The following KALRN variants were observed in gnomAD, a reference collection of about 807,000 sequenced individuals.
The protein encoded by KALRN is kalirin RhoGEF kinase, also known as kalirin.
A neutral mutation model predicts 353.7 loss-of-function variants in KALRN; 70 were observed. That is an observed-to-expected ratio of 0.20 (90% CI 0.16 to 0.24). The LOEUF (loss-of-function observed/expected upper bound fraction) is 0.24, where lower values mean the gene tolerates loss of function less well. KALRN is among the 10% of genes least tolerant of loss of function. The pLI is 1.00. For missense variants in KALRN, 2,791 were observed against 3,756.7 expected (o/e 0.74, Z 6.72); for synonymous variants, 1,391 against 1,434.8 (o/e 0.97, Z 0.69).
chr3:124,089,709 C>T (rs1193246340), intron 1 of KALRN, among the ~76,000 whole-genome samples: 2 of 151,388 alleles, frequency 1.3e-5, no homozygotes, highest in African/African-American at 2.4e-5. Context: ...ACCAGGTGTT[C>T]ATGCTGAGTA....
At chr3:124,246,172 T>C (rs2081098437) in intron 3 of KALRN, among the ~76,000 whole-genome samples, 1 of 152,280 alleles carries the variant, frequency 6.6e-6, no homozygotes, top group African/African-American at 2.4e-5. Context: ...TGTTTTCCAA[T>C]GAGATTTCCT....
At chr3:124,493,395 G>A (rs754378627) in intron 32 of KALRN, among the ~76,000 whole-genome samples, 9 of 152,088 alleles carry the variant, frequency 5.9e-5, no homozygotes, top group Admixed American at 6.6e-5. Context: ...GATAAGCAAC[G>A]TCATTGGGCA....
intron 10 of KALRN, among the ~76,000 whole-genome samples, chr3:124,352,659 C>A (rs2082949733): frequency 6.6e-6 from 1 of 151,108 alleles, no homozygotes; most frequent in African/African-American, 2.4e-5. Flanking sequence ...TCTATCCAAC[C>A]CTTGTGGTTT....
chr3:124,142,376 C>T (rs1578536028), intron 1 of KALRN, among the ~76,000 whole-genome samples: 1 of 152,172 alleles, frequency 6.6e-6, no homozygotes, highest in Non-Finnish European at 1.5e-5. Flanking sequence ...TGTCTCTATC[C>T]CCACAGCATC....
chr3:124,697,507 G>A, intron 54 of KALRN, 86 bp from the exon 55 acceptor site: 1 of 1,350,346 alleles, frequency 7.4e-7, no homozygotes, highest in Non-Finnish European at 9.9e-7. Flanking sequence ...CATCGGTTAG[G>A]TAATGTTTCC....
At chr3:124,670,432 G>A (rs146434825) in intron 47 of KALRN, among the ~76,000 whole-genome samples, 1 of 152,294 alleles carries the variant, frequency 6.6e-6, no homozygotes, top group Non-Finnish European at 1.5e-5. Context: ...GCAGTGCTCT[G>A]GTGGGCCTGT....
intron 34 of KALRN, among the ~76,000 whole-genome samples, chr3:124,604,154 TA>T (rs796118557): frequency 0.059 from 4,920 of 83,138 alleles, 262 homozygotes; most frequent in African/African-American, 0.17. Context: ...TTTTTTTTTT[TA>T]AATTTATTAT....
intron 23 of KALRN, among the ~76,000 whole-genome samples, 189 bp from the exon 24 acceptor site, chr3:124,461,701 T>C (rs2059880433): frequency 6.6e-6 from 1 of 151,938 alleles, no homozygotes; most frequent in African/African-American, 2.4e-5. Flanking sequence ...GGTCAGGAAA[T>C]ATCACAAGTA....
At chr3:124,298,028 C>T (rs2076981257) in intron 5 of KALRN, among the ~76,000 whole-genome samples, 1 of 152,238 alleles carries the variant, frequency 6.6e-6, no homozygotes, top group South Asian at 2.1e-4. Flanking sequence ...ATATCTGAGA[C>T]AATCCCATTG....
At chr3:124,620,124 G>A (rs908311824) in intron 34 of KALRN, among the ~76,000 whole-genome samples, 1 of 152,068 alleles carries the variant, frequency 6.6e-6, no homozygotes, top group South Asian at 2.1e-4. Context: ...TTTTGAGACA[G>A]AGGTCTCACT....
At chr3:124,153,219 A>G (rs1000430635) in intron 1 of KALRN, among the ~76,000 whole-genome samples, 1 of 144,504 alleles carries the variant, frequency 6.9e-6, no homozygotes, top group African/African-American at 2.6e-5. Flanking sequence ...TGCACCCATT[A>G]ACTCATCATT....
chr3:124,056,067 G>A (rs2041510906), intron 1 of KALRN, among the ~76,000 whole-genome samples: 1 of 152,232 alleles, frequency 6.6e-6, no homozygotes, highest in South Asian at 2.1e-4. Flanking sequence ...TGCAGATTAA[G>A]AACAAAGGAG....
At chr3:124,355,120 T>C (rs1158253757) in intron 10 of KALRN, among the ~76,000 whole-genome samples, 1 of 152,234 alleles carries the variant, frequency 6.6e-6, no homozygotes, top group Non-Finnish European at 1.5e-5. Flanking sequence ...CAAAGGGTTC[T>C]ATGTGGTAGA....
chr3:124,529,533 T>A (rs534383851), intron 33 of KALRN, among the ~76,000 whole-genome samples: 2 of 152,192 alleles, frequency 1.3e-5, no homozygotes, highest in South Asian at 4.1e-4. Flanking sequence ...TAGCAAATTA[T>A]AGCGTTGGAG....
rs1334297228 is a variant in KALRN, at chr3:124,268,752, G to T, written c.466G>T (p.Val156Leu). The T allele has an allele frequency of 6.8e-6, 11 of 1,614,086 alleles. No homozygotes were observed. Among genetic ancestry groups the T allele is most frequent in the Non-Finnish European group, 6.8e-6 (8 of 1,179,978 alleles). Reference sequence around the variant, plus strand: ...TGTCTGCCCCTTCCAGACGAGCATGGTATCTGTGGAGGGCCTCACAAAGCT... The same window carrying T: ...TGTCTGCCCCTTCCAGACGAGCATGTTATCTGTGGAGGGCCTCACAAAGCT... ...SSKFIFETSM[V>L]SVEGLTKLVD... Residue 156 changes from valine (V) to leucine (L), a missense_variant, in exon 5 of 60, where the codon GTA becomes TTA. Transcript: ENST00000682506.
intron 1 of KALRN, among the ~76,000 whole-genome samples, chr3:124,074,729 G>A (rs1337032112): frequency 6.6e-6 from 1 of 152,168 alleles, no homozygotes; most frequent in East Asian, 1.9e-4. Flanking sequence ...CCCTCCTACA[G>A]ATTATAAGAA....
intron 1 of KALRN, among the ~76,000 whole-genome samples, chr3:124,122,484 G>A (rs1307754737): frequency 6.6e-6 from 1 of 152,168 alleles, no homozygotes; most frequent in Non-Finnish European, 1.5e-5. Flanking sequence ...TAGCAACCCT[G>A]CATTGAGCAA....
chr3:124,307,874 T>C (rs1370137783), intron 6 of KALRN, among the ~76,000 whole-genome samples: 1 of 151,952 alleles, frequency 6.6e-6, no homozygotes, highest in African/African-American at 2.4e-5. Context: ...TCAAAAAACA[T>C]TTTTAAAAAA....
chr3:124,437,061 A>T (rs534662314), intron 17 of KALRN, among the ~76,000 whole-genome samples: 1 of 150,134 alleles, frequency 6.7e-6, no homozygotes, highest in African/African-American at 2.4e-5. Context: ...AGATCTTCTC[A>T]TGTGATGCTA....
Sources: gnomAD v4.1 joint callset for allele counts (sites outside exome capture counted in the v4.1 genomes callset) on GRCh38, gnomAD v4.1.1 for gene constraint, MANE v1.5 for transcripts, NCBI Gene and HGNC (gene_info 2026-07-23, HGNC 2026-07-21) for gene names.